Variants in PCDHA2 observed in about 807,000 individuals in gnomAD.
PCDHA2 encodes protocadherin alpha-2.
A neutral mutation model predicts 66.0 loss-of-function variants in PCDHA2; 58 were observed. The ratio of observed to expected loss-of-function variants is 0.88; its 90% CI spans 0.71 to 1.09. The LOEUF (loss-of-function observed/expected upper bound fraction) is 1.09, where lower values mean the gene tolerates loss of function less well. Among genes scored for constraint, PCDHA2 ranks in the 50% least tolerant of loss-of-function variants. The pLI is 0.00. For synonymous variants in PCDHA2, 634 were observed against 554.0 expected (o/e 1.14, Z -2.03); for missense variants, 1,267 against 1,242.3 (o/e 1.02, Z -0.30).
intron 1 of PCDHA2, among the ~76,000 whole-genome samples, chr5:140,821,351 T>C (rs1324284544): frequency 1.3e-5 from 2 of 152,246 alleles, no homozygotes; most frequent in Admixed American, 6.5e-5. Context: ...TTCATGACTT[T>C]AGATGTATTT....
At chr5:140,900,177 A>G (rs1213706705) in intron 1 of PCDHA2, among the ~76,000 whole-genome samples, 1 of 152,194 alleles carries the variant, frequency 6.6e-6, no homozygotes, top group South Asian at 2.1e-4. Context: ...TGCCTGGTTT[A>G]TGTCACTTAT....
intron 3 of PCDHA2, among the ~76,000 whole-genome samples, chr5:140,996,093 A>G (rs2097711389): frequency 6.6e-6 from 1 of 152,210 alleles, no homozygotes; most frequent in South Asian, 2.1e-4. Flanking sequence ...GCTAGATTAC[A>G]TGGAATGGTA....
chr5:140,842,284 C>T (rs2150333443), intron 1 of PCDHA2: 8 of 1,610,320 alleles, frequency 5.0e-6, no homozygotes, highest in Admixed American at 1.7e-5. Context: ...TCCTCATTGA[C>T]GCCACGGACA....
In PCDHA2 at chr5:140,903,111, A is replaced by G. The variant is rs1002837275; in HGVS notation, c.2389-75838A>G. ...CATTGCTGGATCAAATAATAGCTCT[A>G]CTTCTAAATCTTTAAGAAATCTCCA... On this transcript the variant is annotated intron_variant, in intron 1 of 3. Transcript: ENST00000526136. Among the ~76,000 whole-genome samples, 13 of 152,306 alleles carry G rather than the reference A, an allele frequency of 8.5e-5. No individual in the cohort carries two copies. In the East Asian group the frequency reaches 2.5e-3, roughly 29 times the overall value.
chr5:140,848,811 C>T (rs2150421189), intron 1 of PCDHA2: 1 of 1,591,760 alleles, frequency 6.3e-7, no homozygotes, highest in Non-Finnish European at 8.6e-7. Flanking sequence ...CAGCATCCAC[C>T]TGGAGGTGAT....
chr5:140,953,279 A>T (rs2153698724), intron 1 of PCDHA2, among the ~76,000 whole-genome samples: 1 of 152,188 alleles, frequency 6.6e-6, no homozygotes, highest in Non-Finnish European at 1.5e-5. Context: ...TTTGCTCTTT[A>T]TATGTGATTC....
At position 140,796,115 on chromosome 5, in the gene PCDHA2, A is replaced by G; in HGVS notation, c.1151A>G (p.His384Arg). The change falls in exon 1 of 4, where the codon CAT becomes CGT. Residue 384 changes from histidine (H) to arginine (R), a missense_variant. His to Arg is a conservative substitution (Grantham distance 29). Coordinates refer to ENST00000526136, the MANE Select transcript of PCDHA2 (RefSeq NM_018905.3). The part of the protein sequence containing the change: ...VSDRDSGTNG[H>R]VTCSLTPHVP... ...GATCGCGACTCTGGTACGAATGGAC[A>G]TGTCACCTGCTCCCTGACGCCCCAC... is the stretch of plus-strand genomic sequence containing the variant. 2 of 1,614,192 alleles carry G rather than the reference A, an allele frequency of 1.2e-6. No individual in the cohort carries two copies. Among genetic ancestry groups the G allele is most frequent in the Admixed American group, 1.7e-5 (1 of 60,028 alleles).
At chr5:140,961,876 T>G (rs929753490) in intron 1 of PCDHA2, among the ~76,000 whole-genome samples, 1 of 151,746 alleles carries the variant, frequency 6.6e-6, no homozygotes, top group South Asian at 2.1e-4. Context: ...ATAATTGACT[T>G]ACTTACATCA....
intron 1 of PCDHA2, chr5:140,883,197 TC>T: frequency 6.2e-7 from 1 of 1,613,904 alleles, no homozygotes; most frequent in Admixed American, 1.7e-5. Context: ...AAACTAGATT[TC>T]GAAGAAAAGA....
chr5:140,841,545 T>C lies in PCDHA2; in HGVS notation c.2388+44193T>C, dbSNP rs1554138308. ...GCGTCCAAAAGACACCGGGACCTTC[T>C]GGAGGTAAGTCTGCAGAATGGCATT... On this transcript the variant is annotated intron_variant, in intron 1 of 3. Coordinates refer to ENST00000526136, the MANE Select transcript of PCDHA2 (RefSeq NM_018905.3). 1 of 1,613,752 alleles carries C rather than the reference T, an allele frequency of 6.2e-7. No homozygotes were observed.
At chr5:140,927,741 C>T (rs782292892) in intron 1 of PCDHA2, 1 of 1,614,244 alleles carries the variant, frequency 6.2e-7, no homozygotes, top group East Asian at 2.2e-5. Flanking sequence ...TGCGACACCG[C>T]TTTCACGTGC....
intron 3 of PCDHA2, among the ~76,000 whole-genome samples, chr5:141,000,387 CTCTCTCTCTATA>C (rs1217065500): frequency 3.9e-4 from 26 of 66,870 alleles, no homozygotes; most frequent in African/African-American, 1.1e-3. Context: ...CTCTCTCTCT[CTCTCTCTCTATA>C]TATATATATA....
At chr5:141,005,093 G>A (rs1441843884) in intron 3 of PCDHA2, among the ~76,000 whole-genome samples, 1 of 152,172 alleles carries the variant, frequency 6.6e-6, no homozygotes, top group East Asian at 1.9e-4. Flanking sequence ...TACTTTACAT[G>A]CATTACATCA....
chr5:140,941,874 A>C (rs1554214738), intron 1 of PCDHA2, among the ~76,000 whole-genome samples: 1 of 152,222 alleles, frequency 6.6e-6, no homozygotes, highest in African/African-American at 2.4e-5. Context: ...GAGTTCTATC[A>C]CCAGTGACTA....
At position 140,809,818 on chromosome 5, in the gene PCDHA2, T is replaced by G. The variant is rs548189609; in HGVS notation, c.2388+12466T>G. On this transcript the variant is annotated intron_variant, in intron 1 of 3. Transcript: ENST00000526136. Reference sequence around the variant, plus strand: ...TAATTTCTAGTAAATTTTCACTATATTCACCCTCTTTGTTTTTGGTAATAA... The same window carrying G: ...TAATTTCTAGTAAATTTTCACTATAGTCACCCTCTTTGTTTTTGGTAATAA... 7.8e-5 allele frequency: 31 copies of G among 395,844 alleles called. No homozygotes were observed. The East Asian group carries it at 1.3e-3, about 16-fold the overall frequency. The allele number at this position is 395,844 out of a possible 1,614,324, so 24.5% of individuals were successfully genotyped here.
At chr5:140,841,138 C>A (rs782232195) in intron 1 of PCDHA2, 1 of 713,754 alleles carries the variant, frequency 1.4e-6, no homozygotes, top group Non-Finnish European at 2.3e-6. Flanking sequence ...TTTGAAGCCA[C>A]ATGATGTCGC....
chr5:140,835,947 C>T, intron 1 of PCDHA2: 1 of 1,612,740 alleles, frequency 6.2e-7, no homozygotes, highest in Non-Finnish European at 8.5e-7. Context: ...CGCGCTGCAG[C>T]CGTTGGACCA....
intron 1 of PCDHA2, chr5:140,801,881 A>G: frequency 6.2e-7 from 1 of 1,614,200 alleles, no homozygotes; most frequent in Non-Finnish European, 8.5e-7. Flanking sequence ...CGACTCAACT[A>G]AAGATCACTG....
chr5:140,848,546 G>A, intron 1 of PCDHA2: 1 of 1,595,440 alleles, frequency 6.3e-7, no homozygotes, highest in Non-Finnish European at 8.6e-7. Context: ...TACTGCTCTC[G>A]CTTCTGATCC....
Sources: allele counts gnomAD v4.1 joint callset (sites outside exome capture counted in the v4.1 genomes callset), GRCh38; gene constraint gnomAD v4.1.1; transcripts MANE v1.5; gene names NCBI Gene and HGNC (gene_info 2026-07-23, HGNC 2026-07-21).